CHCHD3: variants seen among roughly 807,000 people sequenced by gnomAD.
CHCHD3 encodes MICOS complex subunit MIC19.
In CHCHD3, 20 loss-of-function variants were observed where a neutral mutation model predicts 38.2. The observed-to-expected ratio is 0.52, with a 90% CI of 0.37 to 0.76. CHCHD3 has a LOEUF of 0.76. Ranked by LOEUF, CHCHD3 falls within the 30% of genes least tolerant of loss-of-function variation. The pLI is 0.00. For missense variants in CHCHD3, 245 were observed against 279.2 expected, an observed-to-expected ratio of 0.88 and a Z score of 0.87; for synonymous variants, 82 against 100.0, an observed-to-expected ratio of 0.82 and a Z score of 1.07.
intron 7 of CHCHD3, among the ~76,000 whole-genome samples, chr7:132,792,108 A>G (rs567813388): frequency 6.6e-6 from 1 of 152,232 alleles, no homozygotes; most frequent in Admixed American, 6.5e-5. Flanking sequence ...TCCCTTGGGC[A>G]TCTCCTGGGG....
At chr7:132,927,784 A>G (rs1473627887) in intron 4 of CHCHD3, among the ~76,000 whole-genome samples, 1 of 152,222 alleles carries the variant, frequency 6.6e-6, no homozygotes, top group Non-Finnish European at 1.5e-5. Flanking sequence ...GGTTTCAGCA[A>G]GAAAAAACTA....
At chr7:133,075,299 T>C (rs1424722552) in intron 1 of CHCHD3, among the ~76,000 whole-genome samples, 1 of 152,206 alleles carries the variant, frequency 6.6e-6, no homozygotes, top group Non-Finnish European at 1.5e-5. Flanking sequence ...ACTAAACCTA[T>C]TGAAGGCTTG....
Position 133,079,893 on chromosome 7 carries a change from A to G in CHCHD3, c.81+1964T>C, listed in dbSNP as rs548084865. On this transcript the variant is annotated intron_variant, in intron 1 of 7. Coordinates refer to ENST00000262570, the MANE Select transcript of CHCHD3 (RefSeq NM_017812.4). ...TGACCTCTGTGTACTCAATACTTCA[A>G]TGGATGTCACTTCTAGAGGAAACTG... 1.9e-4 allele frequency among the ~76,000 whole-genome samples: 29 copies of G among 152,344 alleles called. 4 individuals are homozygous for G. The South Asian group carries it at 6.0e-3, about 32-fold the overall frequency.
intron 6 of CHCHD3, among the ~76,000 whole-genome samples, chr7:132,821,863 C>A (rs890581032): frequency 2.0e-5 from 3 of 148,712 alleles, no homozygotes; most frequent in African/African-American, 7.5e-5. Context: ...CCCGGGTTCA[C>A]GCCATTCTCC....
chr7:132,975,011 C>T, intron 4 of CHCHD3, 158 bp downstream of exon 4: 1 of 592,680 alleles, frequency 1.7e-6, no homozygotes, highest in Non-Finnish European at 3.0e-6. Flanking sequence ...TAAACCTAAA[C>T]TGTAAGCTAC....
chr7:132,925,736 C>G (rs994639223), intron 4 of CHCHD3, among the ~76,000 whole-genome samples: 1 of 152,158 alleles, frequency 6.6e-6, no homozygotes, highest in Non-Finnish European at 1.5e-5. Context: ...AATACCACAT[C>G]GTACTTGTCC....
intron 2 of CHCHD3, among the ~76,000 whole-genome samples, chr7:133,053,081 C>A (rs10234432): frequency 7.4e-4 from 112 of 152,326 alleles, no homozygotes; most frequent in African/African-American, 2.6e-3. Flanking sequence ...CAAATTCACA[C>A]GGCATTTTCT....
chr7:132,794,198 C>A (rs1014697566), intron 7 of CHCHD3, among the ~76,000 whole-genome samples: 4 of 152,198 alleles, frequency 2.6e-5, no homozygotes, highest in African/African-American at 9.7e-5. Context: ...CTCTCACTTT[C>A]CCTTACTGCC....
intron 6 of CHCHD3, among the ~76,000 whole-genome samples, chr7:132,804,313 T>C (rs1367247621): frequency 6.6e-6 from 1 of 152,192 alleles, no homozygotes; most frequent in Non-Finnish European, 1.5e-5. Flanking sequence ...TGTTGGGTAG[T>C]ATGCAAGCTG....
chr7:133,039,156 G>A (rs1325472781), intron 2 of CHCHD3, among the ~76,000 whole-genome samples: 3 of 152,008 alleles, frequency 2.0e-5, no homozygotes, highest in African/African-American at 2.4e-5. Context: ...CCATGCACAC[G>A]CCACAATCAA....
At chr7:132,882,256 G>C (rs988412984) in intron 5 of CHCHD3, among the ~76,000 whole-genome samples, 4 of 151,976 alleles carry the variant, frequency 2.6e-5, no homozygotes, top group African/African-American at 9.7e-5. Flanking sequence ...GTGAATTGCC[G>C]AACAGCCACA....
intron 1 of CHCHD3, among the ~76,000 whole-genome samples, chr7:133,080,844 TAAC>T (rs886637023): frequency 7.2e-5 from 11 of 152,200 alleles, no homozygotes; most frequent in African/African-American, 2.4e-4. Flanking sequence ...TATTTCCTGG[TAAC>T]AACTGTTAAA....
chr7:132,906,297 A>G (rs1043522016), intron 4 of CHCHD3, among the ~76,000 whole-genome samples: 1 of 152,236 alleles, frequency 6.6e-6, no homozygotes, highest in African/African-American at 2.4e-5. Context: ...TCTAGGCTAC[A>G]GTAAACAATT....
At chr7:133,023,438 C>T (rs1813249170) in intron 3 of CHCHD3, among the ~76,000 whole-genome samples, 1 of 152,158 alleles carries the variant, frequency 6.6e-6, no homozygotes, top group African/African-American at 2.4e-5. Flanking sequence ...GGTCCTATGG[C>T]CAGTGAGGAC....
intron 4 of CHCHD3, among the ~76,000 whole-genome samples, chr7:132,937,908 A>C (rs927926285): frequency 5.3e-5 from 8 of 152,226 alleles, no homozygotes; most frequent in African/African-American, 1.7e-4. Flanking sequence ...ATTTGTTAAA[A>C]GACATTTCCT....
chr7:132,788,909 C>A lies in CHCHD3; in HGVS notation c.661-3249G>T, dbSNP rs1806388722. ...AAGGGTGGCAGGGGTGGTACAAAACCATCTCAATTCTATCAGGGAAATTAA... is the reference window on the plus strand; with the variant it reads ...AAGGGTGGCAGGGGTGGTACAAAACAATCTCAATTCTATCAGGGAAATTAA... On this transcript the variant is annotated intron_variant, in intron 7 of 7. Transcript: ENST00000262570. This position sits in a 1 kb window ranked among gnomAD's most constrained non-coding sequence, Gnocchi z 4.0. Among the ~76,000 whole-genome samples the A allele has an allele frequency of 6.6e-6, 1 of 152,148 alleles. No individual in the cohort carries two copies. Among genetic ancestry groups the A allele is most frequent in the Non-Finnish European group, 1.5e-5 (1 of 68,032 alleles).
intron 6 of CHCHD3, among the ~76,000 whole-genome samples, chr7:132,797,826 G>A (rs935170480): frequency 2.6e-5 from 4 of 151,948 alleles, no homozygotes; most frequent in East Asian, 1.9e-4. Flanking sequence ...TGATTAATAC[G>A]GCAGGGAAGT....
chr7:132,872,326 G>T (rs957967236), intron 5 of CHCHD3, among the ~76,000 whole-genome samples: 3 of 152,168 alleles, frequency 2.0e-5, no homozygotes, highest in South Asian at 2.1e-4. Flanking sequence ...GGTACAATCC[G>T]CATAGCAAGC....
intron 3 of CHCHD3, among the ~76,000 whole-genome samples, chr7:132,986,417 GA>G (rs1812123591): frequency 9.5e-5 from 5 of 52,588 alleles, no homozygotes; most frequent in Admixed American, 2.2e-4. Context: ...AAAAGAAAAA[GA>G]AAAAAGAAAA....
Sources: allele counts gnomAD v4.1 joint callset (sites outside exome capture counted in the v4.1 genomes callset), GRCh38; gene constraint gnomAD v4.1.1; non-coding constraint Gnocchi (gnomAD v3.1); transcripts MANE v1.5; gene names NCBI Gene and HGNC (gene_info 2026-07-23, HGNC 2026-07-21).